CCNY: variants seen among roughly 807,000 people sequenced by gnomAD.
CCNY encodes cyclin Y.
A neutral mutation model predicts 42.8 loss-of-function variants in CCNY; 19 were observed. The observed-to-expected ratio is 0.44, with a 90% CI of 0.31 to 0.65. The LOEUF is 0.65. CCNY is among the 30% of genes least tolerant of loss of function. The pLI, the probability that CCNY is intolerant of heterozygous loss-of-function variation, is 0.07. For synonymous variants in CCNY, 165 were observed against 162.7 expected (o/e 1.01, Z -0.11); for missense variants, 370 against 437.3 (o/e 0.85, Z 1.37).
At chr10:35,553,836 GTGAGGATT>G (rs1262648246) in intron 8 of CCNY, among the ~76,000 whole-genome samples, 3 of 152,114 alleles carry the variant, frequency 2.0e-5, no homozygotes, top group Non-Finnish European at 4.4e-5. Flanking sequence ...TTCAATTTAG[GTGAGGATT>G]ATTAGTAGGA....
At position 35,557,994 on chromosome 10, in the gene CCNY, T is replaced by C. The variant is rs1440658196; in HGVS notation, c.746+4809T>C. 5.9e-5 allele frequency among the ~76,000 whole-genome samples: 9 copies of C among 152,274 alleles called. No homozygotes were observed. In the East Asian group the frequency reaches 1.7e-3, roughly 29 times the overall value. On this transcript the variant is annotated intron_variant, in intron 8 of 9. Transcript: ENST00000374704. The stretch of plus-strand genomic sequence containing the variant: ...GGTGAAATTTTGAGGAGTTTTATTA[T>C]AGTAGTGTCACTCAAGTCTTAAAAC...
intron 3 of CCNY, among the ~76,000 whole-genome samples, chr10:35,259,671 T>G (rs1358016541): frequency 3.3e-5 from 1 of 29,986 alleles, no homozygotes; most frequent in African/African-American, 2.1e-4. Flanking sequence ...CCTGGCTAAT[T>G]GTTTTTTTTT....
intron 1 of CCNY, among the ~76,000 whole-genome samples, chr10:35,475,111 A>G (rs1839478013): frequency 6.6e-6 from 1 of 152,224 alleles, no homozygotes; most frequent in Non-Finnish European, 1.5e-5. Context: ...AGAAAGGAGC[A>G]AAGCCTCCAA....
intron 3 of CCNY, among the ~76,000 whole-genome samples, chr10:35,292,829 A>G (rs1346086178): frequency 1.6e-5 from 2 of 124,288 alleles, no homozygotes; most frequent in African/African-American, 6.4e-5. Flanking sequence ...CTTGTCTGCC[A>G]GGCTGGAGTG....
chr10:35,506,154 A>G (rs1224025926), intron 3 of CCNY, among the ~76,000 whole-genome samples: 1 of 152,228 alleles, frequency 6.6e-6, no homozygotes, highest in East Asian at 1.9e-4. Context: ...TGCTTGGAGG[A>G]TGTGAAAGAA....
At chr10:35,566,906 G>T (rs1841583746) in intron 9 of CCNY, among the ~76,000 whole-genome samples, 1 of 151,648 alleles carries the variant, frequency 6.6e-6, no homozygotes, top group South Asian at 2.1e-4. Context: ...GATGGATGGG[G>T]TTTCATTATG....
intron 3 of CCNY, among the ~76,000 whole-genome samples, chr10:35,506,387 C>T (rs1840214308): frequency 6.6e-6 from 1 of 152,120 alleles, no homozygotes; most frequent in African/African-American, 2.4e-5. Flanking sequence ...TTGTTATTTT[C>T]TCTCTTCTTT....
At chr10:35,391,704 G>A (rs757653683) in intron 1 of CCNY, among the ~76,000 whole-genome samples, 21 of 152,108 alleles carry the variant, frequency 1.4e-4, no homozygotes, top group Non-Finnish European at 2.6e-4. Context: ...ACTGGATGGC[G>A]GCAAGGATAG....
In CCNY at chr10:35,564,126, C is replaced by T. The variant is rs145031450; in HGVS notation, c.747-1897C>T. On this transcript the variant is annotated intron_variant, in intron 8 of 9. Coordinates refer to ENST00000374704, the MANE Select transcript of CCNY (RefSeq NM_145012.6). The stretch of plus-strand genomic sequence containing the variant: ...AACTCCTAAACTCAGGTGATCCACC[C>T]GCCTCAGCCTCCCAAAGTGCTGAGA... Among the ~76,000 whole-genome samples the T allele has an allele frequency of 2.9e-3, 445 of 152,156 alleles. 5 individuals carry two copies. In the East Asian group the frequency reaches 0.06, roughly 21 times the overall value.
chr10:35,500,144 A>G (rs953154540), intron 2 of CCNY, among the ~76,000 whole-genome samples: 1 of 152,242 alleles, frequency 6.6e-6, no homozygotes, highest in Admixed American at 6.5e-5. Context: ...GGCCTCATGC[A>G]TGGCCAGGGT....
At chr10:35,519,960 T>C (rs759712797) in intron 4 of CCNY, among the ~76,000 whole-genome samples, 3 of 152,002 alleles carry the variant, frequency 2.0e-5, no homozygotes, top group Non-Finnish European at 2.9e-5. Context: ...GCATTTTTTG[T>C]AGAGACATTT....
intron 1 of CCNY, among the ~76,000 whole-genome samples, chr10:35,436,802 G>T (rs1245414678): frequency 6.6e-6 from 1 of 151,982 alleles, no homozygotes; most frequent in Non-Finnish European, 1.5e-5. Context: ...CTTCTCTGTT[G>T]GTGATTTGGT....
At chr10:35,527,026 G>T (rs1840667252) in intron 5 of CCNY, among the ~76,000 whole-genome samples, 1 of 152,316 alleles carries the variant, frequency 6.6e-6, no homozygotes, top group South Asian at 2.1e-4. Flanking sequence ...CAGTGCAGGG[G>T]AGGTTGGATG....
chr10:35,310,051 C>T (rs1449890303), intron 3 of CCNY, among the ~76,000 whole-genome samples: 1 of 152,182 alleles, frequency 6.6e-6, no homozygotes, highest in African/African-American at 2.4e-5. Flanking sequence ...CCGCCCGCCT[C>T]AGCCTCCCAA....
chr10:35,361,808 G>A (rs1011281692), intron 1 of CCNY, among the ~76,000 whole-genome samples: 2 of 152,200 alleles, frequency 1.3e-5, no homozygotes, highest in Non-Finnish European at 2.9e-5. Flanking sequence ...ATGGGGCTGA[G>A]CATCCCTGAT....
At chr10:35,426,109 GCGCACACACACACACACACA>G (rs1252761286) in intron 1 of CCNY, among the ~76,000 whole-genome samples, 1,559 of 111,752 alleles carry the variant, frequency 0.014, 40 homozygotes, top group African/African-American at 0.052. Context: ...GGTCCAGCAC[GCGCACACACACACACACACA>G]CACACACACA....
At chr10:35,516,144 G>A (rs994748050) in intron 3 of CCNY, among the ~76,000 whole-genome samples, 7 of 152,196 alleles carry the variant, frequency 4.6e-5, no homozygotes, top group Admixed American at 3.9e-4. Flanking sequence ...CTTGATCTTA[G>A]TGCGTAAAAC....
At position 35,267,627 on chromosome 10, in the gene CCNY, C is replaced by T. The variant is rs147923161; in HGVS notation, c.-9+17001C>T. ...CAATGATATAGATGTAAAAGGAAGA[C>T]GATGGGGCCCTGGTTGCTCCCTCTT... On this transcript the variant is annotated intron_variant, in intron 3 of 11. Transcript: ENST00000374706. Among the ~76,000 whole-genome samples, 172 of 152,258 alleles carry T rather than the reference C, an allele frequency of 1.1e-3. 1 individual carries two copies. In the Middle Eastern group the frequency reaches 0.014, roughly 12 times the overall value.
chr10:35,263,121 G>C (rs12250025), intron 3 of CCNY, among the ~76,000 whole-genome samples: 55,940 of 151,354 alleles, frequency 0.37, 10,902 homozygotes, highest in African/African-American at 0.5. Flanking sequence ...CTTTGGGAGG[G>C]CGAGGTGGGT....
Sources: allele counts gnomAD v4.1 joint callset (sites outside exome capture counted in the v4.1 genomes callset), GRCh38; gene constraint gnomAD v4.1.1; transcripts MANE v1.5; gene names NCBI Gene and HGNC (gene_info 2026-07-23, HGNC 2026-07-21).